Variants in TCF12 observed in about 807,000 individuals in gnomAD.
TCF12 encodes the protein DNA-binding protein HTF4.
TCF12 carries 45 observed loss-of-function variants against 86.0 expected under a neutral mutation model. The ratio of observed to expected loss-of-function variants is 0.52; its 90% CI spans 0.41 to 0.67. The LOEUF (loss-of-function observed/expected upper bound fraction) is 0.67. Among genes scored for constraint, TCF12 ranks in the 30% least tolerant of loss-of-function variants. TCF12 has a pLI of 0.00. For missense variants in TCF12, 881 were observed against 859.9 expected, an observed-to-expected ratio of 1.02 and a Z score of -0.31; for synonymous variants, 330 against 299.6, an observed-to-expected ratio of 1.10 and a Z score of -1.05.
intron 3 of TCF12, among the ~76,000 whole-genome samples, chr15:56,935,738 T>A (rs28616268): frequency 0.22 from 33,411 of 152,114 alleles, 4,130 homozygotes; most frequent in African/African-American, 0.33. Context: ...TGGTTTTCCA[T>A]TCCTGAGTTA....
intron 5 of TCF12, among the ~76,000 whole-genome samples, chr15:57,113,778 TAA>T (rs34582402): frequency 2.1e-5 from 2 of 95,790 alleles, no homozygotes; most frequent in Non-Finnish European, 1.9e-5. Flanking sequence ...CGTCTCTACT[TAA>T]AAAAAAAAAA....
At chr15:56,991,940 AT>A (rs1275904298) in intron 3 of TCF12, among the ~76,000 whole-genome samples, 2 of 152,078 alleles carry the variant, frequency 1.3e-5, no homozygotes, top group African/African-American at 4.8e-5. Flanking sequence ...TTGTCATATG[AT>A]TCTTTAGATT....
intron 5 of TCF12, among the ~76,000 whole-genome samples, chr15:57,145,426 A>C (rs2053287665): frequency 6.6e-6 from 1 of 152,146 alleles, no homozygotes; most frequent in African/African-American, 2.4e-5. Flanking sequence ...CTTGATTATC[A>C]GGGGATTGGT....
intron 4 of TCF12, chr15:57,072,623 G>C: frequency 1.6e-6 from 2 of 1,278,484 alleles, no homozygotes; most frequent in Non-Finnish European, 2.0e-6. Context: ...CACGAATTTT[G>C]AAATAGTATT....
intron 3 of TCF12, among the ~76,000 whole-genome samples, chr15:57,006,234 G>T (rs2064364927): frequency 6.6e-6 from 1 of 152,126 alleles, no homozygotes; most frequent in East Asian, 1.9e-4. Context: ...ATTAGATAAG[G>T]TTTTTATTCT....
Position 57,263,195 on chromosome 15 carries a change from C to T in TCF12, c.1666C>T (p.Pro556Ser), listed in dbSNP as rs1277365132. ...NKEKDENLHE[P>S]PSSDDMKSDD... ...AGAAAAGGATGAAAACCTTCATGAA[C>T]CTCCTTCATCAGATGACATGAAGTC... is the stretch of plus-strand genomic sequence containing the variant. Residue 556 changes from proline (P) to serine (S), a missense_variant, in exon 18 of 21, where the codon CCT (proline) becomes TCT (serine). By Grantham distance (74) the Pro-to-Ser change is moderately conservative. Transcript: ENST00000333725. 1.1e-5 allele frequency: 18 copies of T among 1,613,000 alleles called. No individual in the cohort carries two copies. Among genetic ancestry groups the T allele is most frequent in the Non-Finnish European group, 1.4e-5 (17 of 1,179,656 alleles).
At chr15:57,025,376 A>G (rs1348254406) in intron 3 of TCF12, among the ~76,000 whole-genome samples, 3 of 152,104 alleles carry the variant, frequency 2.0e-5, no homozygotes. Flanking sequence ...CACCGCCCCC[A>G]GCCTGTGCCC....
At chr15:57,018,502 G>A (rs969533574) in intron 3 of TCF12, among the ~76,000 whole-genome samples, 6 of 151,382 alleles carry the variant, frequency 4.0e-5, no homozygotes, top group African/African-American at 1.2e-4. Context: ...TAGCTCTATC[G>A]CCCAGGCTGG....
chr15:57,074,358 AT>A (rs1159875920), intron 4 of TCF12, among the ~76,000 whole-genome samples: 2,423 of 32,390 alleles, frequency 0.075, 47 homozygotes, highest in Non-Finnish European at 0.12. Context: ...GCCCATTTTG[AT>A]TAAAAAAAAA....
chr15:57,264,854 A>G (rs572631460), intron 18 of TCF12, among the ~76,000 whole-genome samples: 4 of 152,150 alleles, frequency 2.6e-5, no homozygotes, highest in South Asian at 2.1e-4. Flanking sequence ...CTCAGCCTCC[A>G]GAGTAGCTGG....
chr15:57,143,553 C>A lies in TCF12; in HGVS notation c.326-22849C>A, dbSNP rs75315999. Among the ~76,000 whole-genome samples, 164 of 152,092 alleles carry A rather than the reference C, an allele frequency of 1.1e-3. 2 individuals are homozygous for A. In the East Asian group the frequency reaches 0.028, roughly 26 times the overall value. On this transcript the variant is annotated intron_variant, in intron 5 of 20. Transcript: ENST00000333725. Reference sequence around the variant, plus strand: ...ATATTTAAAAAATGGATTTTGTGTTCCATGTATAGAGAAGGAAAAAAATCT... The same window carrying A: ...ATATTTAAAAAATGGATTTTGTGTTACATGTATAGAGAAGGAAAAAAATCT...
intron 3 of TCF12, among the ~76,000 whole-genome samples, chr15:57,033,834 A>G (rs568981002): frequency 6.6e-6 from 1 of 152,310 alleles, no homozygotes; most frequent in Non-Finnish European, 1.5e-5. Flanking sequence ...AGGAAAGTAA[A>G]CACCAGAGTA....
chr15:57,269,508 C>G (rs191350686), intron 18 of TCF12, among the ~76,000 whole-genome samples: 1 of 151,324 alleles, frequency 6.6e-6, no homozygotes, highest in South Asian at 2.1e-4. Flanking sequence ...CACTCTTTAT[C>G]CAATTTGTCA....
At chr15:57,250,868 C>G (rs1386518560) in intron 13 of TCF12, among the ~76,000 whole-genome samples, 3 of 141,816 alleles carry the variant, frequency 2.1e-5, no homozygotes, top group African/African-American at 7.4e-5. Flanking sequence ...TGCGCTCCAG[C>G]CTGGGCGACA....
intron 5 of TCF12, among the ~76,000 whole-genome samples, chr15:57,124,432 G>A (rs1244000510): frequency 6.6e-6 from 1 of 152,102 alleles, no homozygotes; most frequent in East Asian, 1.9e-4. Context: ...AGAATTCTGG[G>A]CACTCTGGTT....
intron 12 of TCF12, among the ~76,000 whole-genome samples, chr15:57,239,391 G>T (rs1469540846): frequency 6.6e-6 from 1 of 151,172 alleles, no homozygotes; most frequent in Non-Finnish European, 1.5e-5. Flanking sequence ...GGGTATGGTG[G>T]TACACGCCTA....
At chr15:57,026,691 G>A (rs951140505) in intron 3 of TCF12, among the ~76,000 whole-genome samples, 3 of 151,508 alleles carry the variant, frequency 2.0e-5, no homozygotes, top group Non-Finnish European at 4.4e-5. Context: ...TTTAATTTAC[G>A]TATACATTTT....
chr15:57,248,563 A>G (rs2059966664), intron 13 of TCF12, among the ~76,000 whole-genome samples: 1 of 152,034 alleles, frequency 6.6e-6, no homozygotes, highest in African/African-American at 2.4e-5. Context: ...GCTTTCACAG[A>G]AAAAAATAAT....
intron 5 of TCF12, among the ~76,000 whole-genome samples, chr15:57,122,389 T>C (rs776189727): frequency 1.2e-4 from 18 of 152,184 alleles, no homozygotes; most frequent in Non-Finnish European, 1.8e-4. Flanking sequence ...ATAATGATCA[T>C]ATATACTAGT....
Sources: allele counts gnomAD v4.1 joint callset (sites outside exome capture counted in the v4.1 genomes callset), GRCh38; gene constraint gnomAD v4.1.1; transcripts MANE v1.5; gene names NCBI Gene and HGNC (gene_info 2026-07-23, HGNC 2026-07-21).